Variants in SMYD3 observed in about 807,000 individuals in gnomAD.
SMYD3 encodes the protein histone-lysine N-methyltransferase SMYD3.
SMYD3 carries 36 observed loss-of-function variants against 57.7 expected under a neutral mutation model. The observed-to-expected ratio is 0.62, with a 90% CI of 0.48 to 0.82. The LOEUF (loss-of-function observed/expected upper bound fraction) is 0.82, where lower values mean the gene tolerates loss of function less well. Ranked by LOEUF, SMYD3 falls within the 40% of genes least tolerant of loss-of-function variation. The probability of loss-of-function intolerance (pLI) is 0.00; values close to 1 mark genes in which losing one functional copy is unlikely to be tolerated. For synonymous variants in SMYD3, 211 were observed against 195.0 expected (o/e 1.08, Z -0.68); for missense variants, 515 against 538.8 (o/e 0.96, Z 0.44).
At chr1:246,209,774 C>G (rs1042500583) in intron 5 of SMYD3, among the ~76,000 whole-genome samples, 1 of 152,110 alleles carries the variant, frequency 6.6e-6, no homozygotes, top group Non-Finnish European at 1.5e-5. Context: ...GGGGGGCTAC[C>G]CCTCCCCACT....
chr1:245,915,383 T>A (rs1323946376), intron 8 of SMYD3, 147 bp downstream of exon 8: 2 of 478,280 alleles, frequency 4.2e-6, no homozygotes, highest in Admixed American at 7.5e-5. Flanking sequence ...ACAAAATATA[T>A]GCAGTTCAAT....
At position 246,167,072 on chromosome 1, in the gene SMYD3, A is replaced by G. The variant is rs113898043; in HGVS notation, c.531+160129T>C. 1.7e-3 allele frequency among the ~76,000 whole-genome samples: 253 copies of G among 152,344 alleles called. 1 individual carries two copies. The highest frequency in any genetic ancestry group is 5.6e-3 in the African/African-American group (234 of 41,582). ...TTGTGTCTGGCTCCCTTCATTAAGCATAATGTATTCCGGGTTCACCCGTGC... is the reference window on the plus strand; with the variant it reads ...TTGTGTCTGGCTCCCTTCATTAAGCGTAATGTATTCCGGGTTCACCCGTGC... On this transcript the variant is annotated intron_variant, in intron 5 of 11. Coordinates refer to ENST00000490107, the MANE Select transcript of SMYD3 (RefSeq NM_001167740.2).
intron 5 of SMYD3, among the ~76,000 whole-genome samples, chr1:245,989,999 G>C (rs4512612): frequency 6.6e-6 from 1 of 152,034 alleles, no homozygotes; most frequent in African/African-American, 2.4e-5. Flanking sequence ...ATATCATCCT[G>C]TGTTACCTGA....
intron 10 of SMYD3, among the ~76,000 whole-genome samples, chr1:245,840,832 C>CT (rs2050366295): frequency 6.6e-6 from 1 of 151,538 alleles, no homozygotes; most frequent in African/African-American, 2.4e-5. Flanking sequence ...AAACCCACTG[C>CT]TTTTTATTTT....
At chr1:246,349,705 G>A (rs560849025) in intron 2 of SMYD3, among the ~76,000 whole-genome samples, 13 of 152,288 alleles carry the variant, frequency 8.5e-5, no homozygotes, top group Middle Eastern at 3.4e-3. Context: ...TGTTATTTGA[G>A]AGTAAACTTG....
At chr1:245,976,065 A>AGCCTAGGGAAAGCCATCGTCTCCG (rs2058414585) in intron 5 of SMYD3, among the ~76,000 whole-genome samples, 2 of 11,342 alleles carry the variant, frequency 1.8e-4, no homozygotes, top group African/African-American at 3.3e-4. Context: ...CATCGTCTCT[A>AGCCTAGGGAAAGCCATCGTCTCCG]GCCTAGGGAA....
chr1:246,208,132 G>A (rs1289702241), intron 5 of SMYD3, among the ~76,000 whole-genome samples: 1 of 152,140 alleles, frequency 6.6e-6, no homozygotes, highest in African/African-American at 2.4e-5. Flanking sequence ...TAGAATGATA[G>A]TTATTATCTC....
At chr1:246,027,118 C>T (rs1477374388) in intron 5 of SMYD3, among the ~76,000 whole-genome samples, 1 of 152,176 alleles carries the variant, frequency 6.6e-6, no homozygotes, top group African/African-American at 2.4e-5. Flanking sequence ...AAAGCCCTAA[C>T]TTGCTTAAAT....
chr1:246,421,224 A>G (rs541217030), intron 1 of SMYD3, among the ~76,000 whole-genome samples: 1 of 152,290 alleles, frequency 6.6e-6, no homozygotes, highest in East Asian at 1.9e-4. Context: ...TGTATTACAC[A>G]AAACTACCAA....
intron 10 of SMYD3, among the ~76,000 whole-genome samples, chr1:245,847,804 G>T (rs2148442021): frequency 6.6e-6 from 1 of 152,214 alleles, no homozygotes; most frequent in East Asian, 1.9e-4. Context: ...GTGATGGCTT[G>T]TTCAAGTTAA....
chr1:246,114,687 GT>G (rs1028254119), intron 5 of SMYD3, among the ~76,000 whole-genome samples: 8 of 152,198 alleles, frequency 5.3e-5, no homozygotes, highest in African/African-American at 1.9e-4. Context: ...CTGGAGTGCT[GT>G]GGTGTGATCT....
At chr1:246,113,351 C>G (rs988566110) in intron 5 of SMYD3, among the ~76,000 whole-genome samples, 1 of 152,132 alleles carries the variant, frequency 6.6e-6, no homozygotes, top group Admixed American at 6.5e-5. Flanking sequence ...TATCAGCAAT[C>G]TGAAGAAATA....
chr1:246,330,601 G>A, intron 3 of SMYD3, 64 bp from the exon 4 acceptor site: 1 of 1,383,246 alleles, frequency 7.2e-7, no homozygotes, highest in Non-Finnish European at 9.9e-7. Context: ...AAACAAATAA[G>A]TTTGAGTACC....
intron 5 of SMYD3, among the ~76,000 whole-genome samples, chr1:246,180,149 T>C (rs964700304): frequency 6.7e-6 from 1 of 149,580 alleles, no homozygotes; most frequent in Non-Finnish European, 1.5e-5. Flanking sequence ...ATCTAATATA[T>C]CTAATATAGA....
chr1:246,090,144 T>C (rs1456106074), intron 5 of SMYD3, among the ~76,000 whole-genome samples: 1 of 152,106 alleles, frequency 6.6e-6, no homozygotes, highest in East Asian at 1.9e-4. Context: ...CAGGCTTAAA[T>C]TGCAAAATGA....
intron 10 of SMYD3, among the ~76,000 whole-genome samples, chr1:245,804,269 C>A (rs1048795384): frequency 1.4e-4 from 21 of 152,196 alleles, no homozygotes; most frequent in African/African-American, 5.1e-4. Context: ...ATAGCACTCA[C>A]TGCCGTGGTC....
chr1:245,868,153 C>T (rs1220183249), intron 8 of SMYD3, among the ~76,000 whole-genome samples: 1 of 152,194 alleles, frequency 6.6e-6, no homozygotes, highest in Non-Finnish European at 1.5e-5. Context: ...TTCCTCACAA[C>T]ATCTTTGAAA....
At chr1:246,229,758 C>T (rs925127377) in intron 5 of SMYD3, among the ~76,000 whole-genome samples, 8 of 152,192 alleles carry the variant, frequency 5.3e-5, no homozygotes, top group African/African-American at 1.7e-4. Context: ...CTCTCATAGC[C>T]TCATCACTTC....
chr1:245,952,657 C>T (rs959464693), intron 5 of SMYD3, among the ~76,000 whole-genome samples: 2 of 152,208 alleles, frequency 1.3e-5, no homozygotes, highest in East Asian at 1.9e-4. Flanking sequence ...CTGTTAATGG[C>T]ATGTACCCTA....
Sources: allele counts gnomAD v4.1 joint callset (sites outside exome capture counted in the v4.1 genomes callset), GRCh38; gene constraint gnomAD v4.1.1; transcripts MANE v1.5; gene names NCBI Gene and HGNC (gene_info 2026-07-23, HGNC 2026-07-21).